Variants in DNAAF9 observed in about 807,000 individuals in gnomAD.
The protein encoded by DNAAF9 is dynein axonemal assembly factor 9, also known as shulin.
DNAAF9 carries 90 observed loss-of-function variants against 167.0 expected under a neutral mutation model. The ratio of observed to expected loss-of-function variants is 0.54; its 90% CI spans 0.45 to 0.64. DNAAF9 has a LOEUF of 0.64. Ranked by LOEUF, DNAAF9 falls within the 30% of genes least tolerant of loss-of-function variation. The probability of loss-of-function intolerance (pLI) is 0.00; values close to 1 mark genes in which losing one functional copy is unlikely to be tolerated. For synonymous variants in DNAAF9, 491 were observed against 508.8 expected (o/e 0.96, Z 0.47); for missense variants, 1,315 against 1,442.2 (o/e 0.91, Z 1.43).
intron 20 of DNAAF9, among the ~76,000 whole-genome samples, chr20:3,305,915 C>T (rs2069283788): frequency 6.6e-6 from 1 of 152,124 alleles, no homozygotes; most frequent in African/African-American, 2.4e-5. Context: ...CTGCCTTTTC[C>T]TGAGGCCCTC....
At chr20:3,287,603 A>G (rs1568579514) in intron 27 of DNAAF9, 29 bp downstream of exon 27, 1 of 1,610,894 alleles carries the variant, frequency 6.2e-7, no homozygotes, top group Non-Finnish European at 8.5e-7. Context: ...CCCTGATTCG[A>G]CTGTTTCCAG....
At chr20:3,330,382 A>G (rs1282188712) in intron 12 of DNAAF9, among the ~76,000 whole-genome samples, 1 of 152,060 alleles carries the variant, frequency 6.6e-6, no homozygotes, top group Non-Finnish European at 1.5e-5. Context: ...AGCTGGGACC[A>G]CAGGTGTGCA....
chr20:3,270,514 T>C lies in DNAAF9; in HGVS notation c.2699A>G (p.His900Arg). 1.2e-6 allele frequency: 2 copies of C among 1,613,098 alleles called. No individual in the cohort carries two copies. Among genetic ancestry groups the C allele is most frequent in the Non-Finnish European group, 1.7e-6 (2 of 1,179,462 alleles). ...GCTCTGCAGCTGAACAAGGAGAGGG[T>C]GCCGCTGCTCCGTGGTGTGACTGGT... ...VFTSHTTEQR[H>R]PLLVQLQSLI... Residue 900 changes from histidine to arginine, a missense_variant, in exon 30 of 37, where the codon CAC (histidine) becomes CGC (arginine). His to Arg is a conservative substitution (Grantham distance 29). Transcript: ENST00000252032.
At position 3,365,465 on chromosome 20, in the gene DNAAF9, C is replaced by A. The variant is rs2083420895; in HGVS notation, c.613-5872G>T. Among the ~76,000 whole-genome samples the A allele has an allele frequency of 2.0e-5, 3 of 152,234 alleles. No individual in the cohort carries two copies. The South Asian group carries it at 6.2e-4, about 32-fold the overall frequency. On this transcript the variant is annotated intron_variant, in intron 6 of 36. Coordinates refer to ENST00000252032, the MANE Select transcript of DNAAF9 (RefSeq NM_001009984.3). ...GGGGAGCAGTGGCGTGATCTCAGCTCACTGCAACCTCTGCCTCCCGGGTTC... is the reference window on the plus strand; with the variant it reads ...GGGGAGCAGTGGCGTGATCTCAGCTAACTGCAACCTCTGCCTCCCGGGTTC...
chr20:3,352,251 A>G (rs1284861084), intron 7 of DNAAF9, among the ~76,000 whole-genome samples: 1 of 152,150 alleles, frequency 6.6e-6, no homozygotes, highest in African/African-American at 2.4e-5. Flanking sequence ...CTGGGTTAGA[A>G]TGCTTTGCCA....
chr20:3,385,292 G>A (rs1057173301), intron 1 of DNAAF9, among the ~76,000 whole-genome samples: 2 of 152,126 alleles, frequency 1.3e-5, no homozygotes, highest in African/African-American at 4.8e-5. Flanking sequence ...CCTATTTGCA[G>A]ATATGTCCTA....
chr20:3,376,620 G>A (rs1340723086), intron 3 of DNAAF9, among the ~76,000 whole-genome samples: 2 of 152,242 alleles, frequency 1.3e-5, no homozygotes, highest in Non-Finnish European at 2.9e-5. Context: ...GAAGTTACCA[G>A]CAGACATCAA....
rs775328934 is a variant in DNAAF9, at chr20:3,287,738, G to A, written c.2380C>T (p.His794Tyr). The A allele has an allele frequency of 3.1e-6, 5 of 1,614,172 alleles. No homozygotes were observed. Among genetic ancestry groups the A allele is most frequent in the Non-Finnish European group, 4.2e-6 (5 of 1,179,970 alleles). ...GCACTGGAAAGGTATCTCTGGAAGT[G>A]TGCAGCATGAAAACATTCAGAGCTG... ...MDSSECFHAA[H>Y]FQRYLSSALE... is the part of the protein sequence containing the mutation. Residue 794 changes from histidine to tyrosine, a missense_variant, in exon 27 of 37, where the codon CAC becomes TAC. His to Tyr is a moderately conservative substitution (Grantham distance 83). Around this residue, in one of 2 missense-constraint regions of DNAAF9, gnomAD observed 981 missense variants for 1,012.5 expected, o/e 0.97. Transcript: ENST00000252032.
At chr20:3,284,051 T>C (rs976070716) in intron 27 of DNAAF9, among the ~76,000 whole-genome samples, 38 of 152,268 alleles carry the variant, frequency 2.5e-4, no homozygotes, top group African/African-American at 8.9e-4. Flanking sequence ...ACTCTATCCA[T>C]TAGGGGAATC....
chr20:3,376,131 G>A, intron 4 of DNAAF9, 47 bp downstream of exon 4: 3 of 1,557,448 alleles, frequency 1.9e-6, no homozygotes, highest in East Asian at 2.3e-5. Context: ...TCCTTAAAGA[G>A]TATTCTTAGA....
At chr20:3,406,827 A>G (rs964726262) in intron 1 of DNAAF9, among the ~76,000 whole-genome samples, 4 of 151,560 alleles carry the variant, frequency 2.6e-5, no homozygotes, top group Admixed American at 6.6e-5. Flanking sequence ...CCTATTGTGG[A>G]GTGAGGGGGC....
In DNAAF9 at chr20:3,340,433, T is replaced by TCCGGGGGCCCCCCCCCCCCCCCC; in HGVS notation, c.981+70_981+71insGGGGGGGGGGGGGGGGCCCCCGG. ...CTGGAAAAGGTTCTTTTTGTCTAGCTCCCCCCACCCACCCCACCCCCACAA... is the reference window on the plus strand; with the variant it reads ...CTGGAAAAGGTTCTTTTTGTCTAGCTCCGGGGGCCCCCCCCCCCCCCCCCCCCCCACCCACCCCACCCCCACAA... On this transcript the variant is annotated intron_variant, in intron 10 of 36. Coordinates refer to ENST00000252032, the MANE Select transcript of DNAAF9 (RefSeq NM_001009984.3). 2 of 221,214 alleles carry TCCGGGGGCCCCCCCCCCCCCCCC rather than the reference T, an allele frequency of 9.0e-6. 1 individual carries two copies. Among genetic ancestry groups the TCCGGGGGCCCCCCCCCCCCCCCC allele is most frequent in the Non-Finnish European group, 1.9e-5 (2 of 104,808 alleles). 13.7% of individuals were successfully genotyped at this position (221,214 alleles called of 1,614,324 possible). A position where few individuals can be genotyped will look rare whatever the true frequency, so the allele number is the denominator to read the frequency against.
intron 1 of DNAAF9, among the ~76,000 whole-genome samples, chr20:3,390,368 T>C (rs1338460530): frequency 6.7e-6 from 1 of 149,630 alleles, no homozygotes; most frequent in African/African-American, 2.5e-5. Context: ...TACTATTCTC[T>C]CACTTTTTTT....
chr20:3,258,204 G>A (rs917418958), intron 33 of DNAAF9, among the ~76,000 whole-genome samples: 1 of 152,200 alleles, frequency 6.6e-6, no homozygotes, highest in African/African-American at 2.4e-5. Context: ...GGAGGTGATG[G>A]GTGAGAGGGA....
At chr20:3,378,203 A>G (rs1030365326) in intron 3 of DNAAF9, among the ~76,000 whole-genome samples, 1 of 152,210 alleles carries the variant, frequency 6.6e-6, no homozygotes, top group Admixed American at 6.5e-5. Context: ...AGGCAGGGAA[A>G]CAGCACCAAA....
chr20:3,271,138 C>A (rs1467159909), intron 29 of DNAAF9, among the ~76,000 whole-genome samples: 1 of 152,074 alleles, frequency 6.6e-6, no homozygotes, highest in African/African-American at 2.4e-5. Context: ...ATTCTGGTAT[C>A]TAGCTGATAC....
At chr20:3,346,599 T>C (rs1187717417) in intron 8 of DNAAF9, among the ~76,000 whole-genome samples, 2 of 151,984 alleles carry the variant, frequency 1.3e-5, no homozygotes, top group Non-Finnish European at 1.5e-5. Flanking sequence ...TACCCTTCAA[T>C]GTTAGAAAGG....
chr20:3,355,125 C>G (rs2083266635), intron 7 of DNAAF9, among the ~76,000 whole-genome samples: 1 of 152,214 alleles, frequency 6.6e-6, no homozygotes, highest in Non-Finnish European at 1.5e-5. Context: ...TCTTCTTTAT[C>G]TGTGGTTAAA....
intron 20 of DNAAF9, among the ~76,000 whole-genome samples, chr20:3,309,227 A>G (rs1028449312): frequency 1.2e-4 from 18 of 151,848 alleles, no homozygotes; most frequent in African/African-American, 4.4e-4. Context: ...TTTAAAGATC[A>G]CTTTGGAGAG....
Sources: allele counts gnomAD v4.1 joint callset (sites outside exome capture counted in the v4.1 genomes callset), GRCh38; gene constraint gnomAD v4.1.1; regional missense constraint gnomAD v4.1.1; transcripts MANE v1.5; gene names NCBI Gene and HGNC (gene_info 2026-07-23, HGNC 2026-07-21).